AHNAK2: variants seen among roughly 807,000 people sequenced by gnomAD.
The protein encoded by AHNAK2 is protein AHNAK2.
Under a neutral mutation model 30.7 loss-of-function variants are expected in AHNAK2, and 18 were observed. The ratio of observed to expected loss-of-function variants is 0.59; its 90% confidence interval spans 0.41 to 0.87. AHNAK2 has a LOEUF of 0.87. Ranked by LOEUF, AHNAK2 falls within the 40% of genes least tolerant of loss-of-function variation. AHNAK2 has a pLI of 0.00. For synonymous variants in AHNAK2, 3,590 were observed against 3,073.8 expected, an observed-to-expected ratio of 1.17 and a Z score of -5.56; for missense variants, 8,604 against 7,373.0, an observed-to-expected ratio of 1.17 and a Z score of -6.11.
rs199792316 is a variant in AHNAK2 at position 104,949,686 on chromosome 14, T to C, written c.5765A>G (p.Lys1922Arg). 266 of 1,587,460 alleles carry C rather than the reference T, an allele frequency of 1.7e-4. 21 individuals are homozygous for C. The African/African-American group carries it at 3.1e-3, about 19-fold the overall frequency. The change falls in exon 7 of 7, where the codon AAG (lysine) becomes AGG (arginine). Residue 1922 changes from lysine to arginine, a missense_variant. Transcript: ENST00000333244. ...PSFKMPKVDL[K>R]GPQTDVKGAK... ...GCCCTTAACATCTGTCTGGGGGCCCTTGAGGTCCACTTTGGGCATCTTGAA... is the reference window on the plus strand; with the variant it reads ...GCCCTTAACATCTGTCTGGGGGCCCCTGAGGTCCACTTTGGGCATCTTGAA...
In AHNAK2 at chr14:104,942,523, C is replaced by G. The variant is rs768965943; in HGVS notation, c.12928G>C (p.Val4310Leu). 1 of 1,612,638 alleles carries G rather than the reference C, an allele frequency of 6.2e-7. No homozygotes were observed. The highest frequency in any genetic ancestry group is 1.1e-5 in the South Asian group (1 of 91,008). ...TCGATGGACTTGCCTGGGGCAGACACCCCGAACGACGGCATCTTGAACTTG... is the reference window on the plus strand; with the variant it reads ...TCGATGGACTTGCCTGGGGCAGACAGCCCGAACGACGGCATCTTGAACTTG... ...MPKFKMPSFGVSAPGKSIEAS... is the reference protein window; with the variant it reads ...MPKFKMPSFGLSAPGKSIEAS... The change falls in exon 7 of 7, where the codon GTG becomes CTG. Residue 4310 changes from valine (V) to leucine (L), a missense_variant. Val to Leu is a conservative substitution (Grantham distance 32). Transcript: ENST00000333244.
rs749573255 is a variant in AHNAK2 at position 104,942,819 on chromosome 14, C to T, written c.12632G>A (p.Gly4211Asp). 1.1e-5 allele frequency: 17 copies of T among 1,612,796 alleles called. No individual in the cohort carries two copies. Among genetic ancestry groups the T allele is most frequent in the Non-Finnish European group, 1.4e-5 (17 of 1,179,588 alleles). Reference sequence around the variant, plus strand: ...CACCTTGGGGAGGTGCCCTTTGAGGCCGGCTCCCTTGGGCAGGGGGCCCTC... The same window carrying T: ...CACCTTGGGGAGGTGCCCTTTGAGGTCGGCTCCCTTGGGCAGGGGGCCCTC... ...LPEGPLPKGA[G>D]LKGHLPKVQM... Residue 4211 changes from glycine (G) to aspartate (D), a missense_variant, in exon 7 of 7, where the codon GGC becomes GAC. Gly to Asp is a moderately conservative substitution (Grantham distance 94, BLOSUM62 -1). Coordinates refer to ENST00000333244, the MANE Select transcript of AHNAK2 (RefSeq NM_138420.4).
At position 104,950,345 on chromosome 14, in the gene AHNAK2, C is replaced by A; in HGVS notation, c.5106G>T (p.Lys1702Asn). 2.5e-6 allele frequency: 4 copies of A among 1,585,624 alleles called. No homozygotes were observed. The highest frequency in any genetic ancestry group is 3.4e-6 in the Non-Finnish European group (4 of 1,162,562). Residue 1702 changes from lysine (K) to asparagine (N), a missense_variant, in exon 7 of 7, where the codon AAG (lysine) becomes AAT (asparagine). Coordinates refer to ENST00000333244, the MANE Select transcript of AHNAK2 (RefSeq NM_138420.4). ...VSLPSMQGDLKTTDLSIQSPS... is the reference protein window; with the variant it reads ...VSLPSMQGDLNTTDLSIQSPS... ...GGGACTGAATGCTGAGGTCAGTGGT[C>A]TTCAGGTCCCCCTGCATGGAGGGGA...
chr14:104,977,852 G>A (rs1899635635), intron 1 of AHNAK2, among the ~76,000 whole-genome samples: 1 of 152,222 alleles, frequency 6.6e-6, no homozygotes, highest in Non-Finnish European at 1.5e-5. Context: ...GGGCAGGAGC[G>A]AGAAGGAGAG....
chr14:104,959,373 T>C (rs1269738952), intron 1 of AHNAK2, among the ~76,000 whole-genome samples: 1 of 152,208 alleles, frequency 6.6e-6, no homozygotes, highest in African/African-American at 2.4e-5. Flanking sequence ...GGTTTCACCA[T>C]GTCGGCCAGG....
At position 104,942,261 on chromosome 14, in the gene AHNAK2, T is replaced by G. The variant is rs376450360; in HGVS notation, c.13190A>C (p.Lys4397Thr). Residue 4397 changes from lysine to threonine, a missense_variant, in exon 7 of 7, where the codon AAG becomes ACG. Lys to Thr is a moderately conservative substitution (Grantham distance 78). Transcript: ENST00000333244. ...GACATTAACGTCTATCTGGGGACCC[T>G]TGAGGTCCACTTTGGGTACCTTGAA... Reference protein sequence around the residue: ...PSFKVPKVDLKGPQIDVNVPK... With the variant: ...PSFKVPKVDLTGPQIDVNVPK... 1 of 1,612,916 alleles carries G rather than the reference T, an allele frequency of 6.2e-7. No individual in the cohort carries two copies. Among genetic ancestry groups the G allele is most frequent in the Non-Finnish European group, 8.5e-7 (1 of 1,179,766 alleles).
At position 104,954,066 on chromosome 14, in the gene AHNAK2, A is replaced by T; in HGVS notation, c.1385T>A (p.Ile462Asn). Residue 462 changes from isoleucine to asparagine, a missense_variant, in exon 7 of 7, where the codon ATC (isoleucine) becomes AAC (asparagine). Transcript: ENST00000333244. The surrounding 1 kb of genome is among the most constrained non-coding windows in gnomAD (Gnocchi z 4.3). ...TGTGTCTCTCAAGGACAGTCTGGCG[A>T]TCCCGATTTCCAGGCTCTGCAGTCC... ...GEGLQSLEIG[I>N]ARLSLRDTTE... The T allele has an allele frequency of 6.2e-7, 1 of 1,613,278 alleles. No individual in the cohort carries two copies. The highest frequency in any genetic ancestry group is 2.2e-5 in the East Asian group (1 of 44,876).
Position 104,956,608 on chromosome 14 carries a change from A to T in AHNAK2, c.295T>A (p.Phe99Ile), listed in dbSNP as rs1423717044. 1 of 1,613,776 alleles carries T rather than the reference A, an allele frequency of 6.2e-7. No individual in the cohort carries two copies. The highest frequency in any genetic ancestry group is 1.3e-5 in the African/African-American group (1 of 74,928). ...CCCACCTCTGGACGACTCATCCTGAAAAATGTCCGTGAGTCCCCTGAATCT... is the reference window on the plus strand; with the variant it reads ...CCCACCTCTGGACGACTCATCCTGATAAATGTCCGTGAGTCCCCTGAATCT... ...KRDSGDSRTF[F>I]RMSRPEAVQE... is the part of the protein sequence containing the mutation. Residue 99 changes from phenylalanine (F) to isoleucine (I), a missense_variant, in exon 4 of 7, where the codon TTC becomes ATC. Phe to Ile is a conservative substitution (Grantham distance 21). Coordinates refer to ENST00000333244, the MANE Select transcript of AHNAK2 (RefSeq NM_138420.4).
rs373361552 is a variant in AHNAK2 at position 104,944,570 on chromosome 14, A to T, written c.10881T>A (p.Ala3627=). The T allele has an allele frequency of 1.2e-6, 2 of 1,609,678 alleles. No homozygotes were observed. The highest frequency in any genetic ancestry group is 4.5e-5 in the East Asian group (2 of 44,540). Residue 3627 remains alanine (A), a synonymous_variant, in exon 7 of 7, where the codon GCT becomes GCA. Transcript: ENST00000333244. ...AGRLEGDLSL[A]DKDVTAKDSK... is the part of the protein sequence containing the mutation. ...TGTCTTTGGCAGTCACGTCCTTGTC[A>T]GCCAGGGACAGGTCTCCCTCCAGCC...
At chr14:104,960,783 TG>T (rs1899112428) in intron 1 of AHNAK2, among the ~76,000 whole-genome samples, 1 of 152,220 alleles carries the variant, frequency 6.6e-6, no homozygotes, top group African/African-American at 2.4e-5. Context: ...GTGAGTTCTA[TG>T]GTTTATAAAC....
Position 104,953,560 on chromosome 14 carries a change from C to G in AHNAK2, c.1891G>C (p.Glu631Gln). 2 of 1,614,016 alleles carry G rather than the reference C, an allele frequency of 1.2e-6. No individual in the cohort carries two copies. Among genetic ancestry groups the G allele is most frequent in the Non-Finnish European group, 1.7e-6 (2 of 1,179,898 alleles). ...CTGTCTTCTTTGTCTTTTAATCCTT[C>G]CTCTGTGCGTCTCTGTTCTCTTCTA... ...ADRREQRRTEEGLKDKEDSDS... is the reference protein window; with the variant it reads ...ADRREQRRTEQGLKDKEDSDS... Residue 631 changes from glutamate to glutamine, a missense_variant, in exon 7 of 7, where the codon GAA (glutamate) becomes CAA (glutamine). Transcript: ENST00000333244.
chr14:104,943,407 T>C lies in AHNAK2; in HGVS notation c.12044A>G (p.Asp4015Gly). Reference protein sequence around the residue: ...PSMQGDLKATDLSVQPPSADL... With the variant: ...PSMQGDLKATGLSVQPPSADL... Reference sequence around the variant, plus strand: ...AGCGGAAGGGGGCTGAACGCTGAGGTCAGTGGCCTTGAGGTCCCCCTGCAT... The same window carrying C: ...AGCGGAAGGGGGCTGAACGCTGAGGCCAGTGGCCTTGAGGTCCCCCTGCAT... Residue 4015 changes from aspartate to glycine, a missense_variant, in exon 7 of 7, where the codon GAC becomes GGC. Transcript: ENST00000333244. The C allele has an allele frequency of 6.2e-7, 1 of 1,613,084 alleles. No individual in the cohort carries two copies. The highest frequency in any genetic ancestry group is 8.5e-7 in the Non-Finnish European group (1 of 1,179,636).
At position 104,939,676 on chromosome 14, in the gene AHNAK2, C is replaced by T; in HGVS notation, c.15775G>A (p.Ala5259Thr). 1 of 1,613,924 alleles carries T rather than the reference C, an allele frequency of 6.2e-7. No homozygotes were observed. The highest frequency in any genetic ancestry group is 8.5e-7 in the Non-Finnish European group (1 of 1,179,896). The change falls in exon 7 of 7, where the codon GCT becomes ACT. Residue 5259 changes from alanine to threonine, a missense_variant. Transcript: ENST00000333244. Reference sequence around the variant, plus strand: ...TCTGTGGATGATTTGCTCTCAGAAGCTGTCACTTCTGCATCTGCCTCTGGG... The same window carrying T: ...TCTGTGGATGATTTGCTCTCAGAAGTTGTCACTTCTGCATCTGCCTCTGGG... The part of the protein sequence containing the change: ...QLPEADAEVT[A>T]SESKSSTDIL...
chr14:104,966,250 G>A lies in AHNAK2; in HGVS notation c.56-8578C>T, dbSNP rs1238098043. The stretch of plus-strand genomic sequence containing the variant: ...CCCCGCCACCTTCCTACTGCTCCGG[G>A]GGCCAGGCCCAGACCCCTGGCCTCC... On this transcript the variant is annotated intron_variant, in intron 1 of 6. Transcript: ENST00000333244. The surrounding 1 kb of genome is among the most constrained non-coding windows in gnomAD (Gnocchi z 4.3). 1.3e-5 allele frequency among the ~76,000 whole-genome samples: 2 copies of A among 152,042 alleles called. No homozygotes were observed. Among genetic ancestry groups the A allele is most frequent in the Admixed American group, 6.5e-5 (1 of 15,272 alleles).
intron 1 of AHNAK2, among the ~76,000 whole-genome samples, chr14:104,964,381 TG>T (rs1429617627): frequency 6.6e-6 from 1 of 151,706 alleles, no homozygotes; most frequent in Non-Finnish European, 1.5e-5. Context: ...CATCCTGGTG[TG>T]GGTTGGGGGT....
At position 104,949,411 on chromosome 14, in the gene AHNAK2, G is replaced by A. The variant is rs118171013; in HGVS notation, c.6040C>T (p.Pro2014Ser). 0.52 allele frequency: 821,286 copies of A among 1,574,754 alleles called. 262,483 individuals are homozygous for A. Among genetic ancestry groups the A allele is most frequent in the Middle Eastern group, 0.6 (3,611 of 5,994 alleles). Residue 2014 changes from proline (P) to serine (S), a missense_variant, in exon 7 of 7, where the codon CCT becomes TCT. Coordinates refer to ENST00000333244, the MANE Select transcript of AHNAK2 (RefSeq NM_138420.4). ...ACGTCGGCCTCCACCTTGGGTGCAGGCACATCCACCGAGGCCTCGATGGAC... is the reference window on the plus strand; with the variant it reads ...ACGTCGGCCTCCACCTTGGGTGCAGACACATCCACCGAGGCCTCGATGGAC... ...GRSIEASVDV[P>S]APKVEADVSL...
At position 104,939,560 on chromosome 14, in the gene AHNAK2, G is replaced by A; in HGVS notation, c.15891C>T (p.Val5297=). 1 of 1,613,860 alleles carries A rather than the reference G, an allele frequency of 6.2e-7. No homozygotes were observed. Among genetic ancestry groups the A allele is most frequent in the Non-Finnish European group, 8.5e-7 (1 of 1,179,896 alleles). Residue 5297 remains valine (V), a synonymous_variant, in exon 7 of 7, where the codon GTC becomes GTT. Coordinates refer to ENST00000333244, the MANE Select transcript of AHNAK2 (RefSeq NM_138420.4). ...MTGDELSTSE[V]RIHPSKGPLP... ...GAGGTCCTTTGGATGGATGGATCCT[G>A]ACCTCAGAAGTGGAAAGCTCATCCC...
rs1226617308 is a variant in AHNAK2, at chr14:104,951,628, G to T, written c.3823C>A (p.Leu1275Met). 1 of 1,246,988 alleles carries T rather than the reference G, an allele frequency of 8.0e-7. No homozygotes were observed. Among genetic ancestry groups the T allele is most frequent in the African/African-American group, 1.4e-5 (1 of 70,796 alleles). The allele number at this position is 1,246,988 out of a possible 1,614,324, so 77.2% of individuals were successfully genotyped here. ...GTCACCTCTGCCTTATGACCTTTCA[G>T]GTCCAGCTTGGGGCCCCTGACTTCC... ...QVEVRGPKLD[L>M]KGHKAEVTAH... Residue 1275 changes from leucine to methionine, a missense_variant, in exon 7 of 7, where the codon CTG becomes ATG. Coordinates refer to ENST00000333244, the MANE Select transcript of AHNAK2 (RefSeq NM_138420.4).
chr14:104,941,246 A>G lies in AHNAK2; in HGVS notation c.14205T>C (p.Pro4735=), dbSNP rs1439766141. The change falls in exon 7 of 7, where the codon CCT becomes CCC. Residue 4735 remains proline, a synonymous_variant. Transcript: ENST00000333244. The part of the protein sequence containing the change: ...AKSSIGLSTI[P]LSSSECSSFE... Reference sequence around the variant, plus strand: ...AACTTGAGCATTCTGAAGATGATAAAGGAATCGTGGAAAGACCTATGCTAG... The same window carrying G: ...AACTTGAGCATTCTGAAGATGATAAGGGAATCGTGGAAAGACCTATGCTAG... 1 of 1,613,694 alleles carries G rather than the reference A, an allele frequency of 6.2e-7. No individual in the cohort carries two copies. The highest frequency in any genetic ancestry group is 2.2e-5 in the East Asian group (1 of 44,890).
Sources: gnomAD v4.1 joint callset for allele counts (sites outside exome capture counted in the v4.1 genomes callset) on GRCh38, gnomAD v4.1.1 for gene constraint, Gnocchi (gnomAD v3.1) non-coding constraint, MANE v1.5 for transcripts, NCBI Gene and HGNC (gene_info 2026-07-23, HGNC 2026-07-21) for gene names.